DCC: variants seen among roughly 807,000 people sequenced by gnomAD.
DCC encodes DCC netrin 1 receptor, also known as netrin receptor DCC.
A neutral mutation model predicts 172.5 loss-of-function variants in DCC; 58 were observed. The observed-to-expected ratio is 0.34, with a 90% confidence interval of 0.27 to 0.42. The LOEUF (loss-of-function observed/expected upper bound fraction) is 0.42, where lower values mean the gene tolerates loss of function less well. Among genes scored for constraint, DCC ranks in the 10% least tolerant of loss-of-function variants. The probability of loss-of-function intolerance (pLI) is 1.00; values close to 1 mark genes in which losing one functional copy is unlikely to be tolerated. For synonymous variants in DCC, 709 were observed against 644.5 expected (o/e 1.10, Z -1.52); for missense variants, 1,740 against 1,791.0 (o/e 0.97, Z 0.51).
chr18:52,915,677 A>G (rs973807906), intron 3 of DCC, among the ~76,000 whole-genome samples: 3 of 152,250 alleles, frequency 2.0e-5, no homozygotes, highest in African/African-American at 7.2e-5. Flanking sequence ...AAATATAGTA[A>G]TTGAACATAT....
chr18:52,494,980 A>T (rs2144612537), intron 1 of DCC, among the ~76,000 whole-genome samples: 1 of 152,216 alleles, frequency 6.6e-6, no homozygotes, highest in African/African-American at 2.4e-5. Flanking sequence ...GAGCTCACTA[A>T]TTTAACCCAA....
At chr18:52,544,317 T>A (rs1317018903) in intron 1 of DCC, among the ~76,000 whole-genome samples, 1 of 152,204 alleles carries the variant, frequency 6.6e-6, no homozygotes, top group Non-Finnish European at 1.5e-5. Flanking sequence ...GAGTACCTGG[T>A]GATAACTAAA....
At chr18:53,159,678 C>T (rs994751298) in intron 8 of DCC, among the ~76,000 whole-genome samples, 4 of 151,712 alleles carry the variant, frequency 2.6e-5, no homozygotes, top group Admixed American at 2.0e-4. Flanking sequence ...TATCTGTATG[C>T]ATATATGTAA....
intron 2 of DCC, among the ~76,000 whole-genome samples, chr18:52,780,543 A>AC (rs917416440): frequency 3.9e-5 from 6 of 152,078 alleles, no homozygotes; most frequent in East Asian, 1.9e-4. Flanking sequence ...AGAACTGAAG[A>AC]CCCCCCAAAG....
rs1219444544 is a variant in DCC, at chr18:52,973,697, C to A, written c.985+48327C>A. Among the ~76,000 whole-genome samples the A allele has an allele frequency of 2.0e-5, 3 of 152,152 alleles. No homozygotes were observed. In the East Asian group the frequency reaches 5.8e-4, roughly 29 times the overall value. Reference sequence around the variant, plus strand: ...CTTCTTGTGGTGAGAAAGGTACCATCTTTACTATGTTACAGAAGAAATTCC... The same window carrying A: ...CTTCTTGTGGTGAGAAAGGTACCATATTTACTATGTTACAGAAGAAATTCC... On this transcript the variant is annotated intron_variant, in intron 5 of 28. Transcript: ENST00000442544.
At chr18:53,525,044 C>T (rs942771700) in intron 27 of DCC, among the ~76,000 whole-genome samples, 7 of 152,052 alleles carry the variant, frequency 4.6e-5, no homozygotes, top group African/African-American at 1.4e-4. Context: ...CAACTTTTCA[C>T]AGCGTGAATA....
At chr18:53,130,045 T>C (rs1009587111) in intron 7 of DCC, among the ~76,000 whole-genome samples, 4 of 152,192 alleles carry the variant, frequency 2.6e-5, no homozygotes, top group Non-Finnish European at 4.4e-5. Context: ...AATTTCTTTA[T>C]GTGTTTCTTG....
intron 1 of DCC, among the ~76,000 whole-genome samples, chr18:52,712,759 A>G (rs905757935): frequency 6.6e-6 from 1 of 152,202 alleles, no homozygotes; most frequent in African/African-American, 2.4e-5. Context: ...TCATACACCA[A>G]TCGATATCCT....
intron 1 of DCC, among the ~76,000 whole-genome samples, chr18:52,725,702 A>G (rs1236274176): frequency 6.6e-6 from 1 of 152,228 alleles, no homozygotes; most frequent in Non-Finnish European, 1.5e-5. Flanking sequence ...GTGTTCAACA[A>G]GGTCGATGAT....
Position 52,991,413 on chromosome 18 carries a change from C to T in DCC, c.985+66043C>T, listed in dbSNP as rs576040103. On this transcript the variant is annotated intron_variant, in intron 5 of 28. Transcript: ENST00000442544. ...ACACACTTATTGGCAGATTGAAGGG[C>T]GTATTAGGAGAGTAAATAAAGTGTG... Among the ~76,000 whole-genome samples the T allele has an allele frequency of 5.3e-5, 8 of 152,182 alleles. No homozygotes were observed. In the East Asian group the frequency reaches 5.8e-4, roughly 11 times the overall value.
intron 5 of DCC, among the ~76,000 whole-genome samples, chr18:52,977,954 C>T (rs2041149896): frequency 6.7e-6 from 1 of 149,388 alleles, no homozygotes; most frequent in Non-Finnish European, 1.5e-5. Context: ...TTTAGGACAA[C>T]TCTTTTGTCT....
chr18:53,098,262 T>C (rs2043115347), intron 7 of DCC, among the ~76,000 whole-genome samples: 1 of 152,140 alleles, frequency 6.6e-6, no homozygotes, highest in Non-Finnish European at 1.5e-5. Context: ...ACTACAAAAG[T>C]TGTAAAAATA....
At chr18:53,113,934 A>G (rs2043373545) in intron 7 of DCC, among the ~76,000 whole-genome samples, 1 of 151,396 alleles carries the variant, frequency 6.6e-6, no homozygotes, top group Admixed American at 6.6e-5. Context: ...TATTAGAGTC[A>G]TATTTATTCT....
At chr18:52,412,444 T>C in intron 1 of DCC, among the ~76,000 whole-genome samples, 1 of 152,262 alleles carries the variant, frequency 6.6e-6, no homozygotes, top group East Asian at 1.9e-4. Flanking sequence ...CTGACTTGGA[T>C]GATATACAAG....
At position 53,258,223 on chromosome 18, in the gene DCC, C is replaced by G. The variant is rs1444737845; in HGVS notation, c.1911+42626C>G. ...TGTCTCTATTTCCTTCAGTTCTGCT[C>G]TGATCTTAGTTATTTCTTGCCTTCT... On this transcript the variant is annotated intron_variant, in intron 12 of 28. Coordinates refer to ENST00000442544, the MANE Select transcript of DCC (RefSeq NM_005215.4). Among the ~76,000 whole-genome samples the G allele has an allele frequency of 1.8e-4, 27 of 152,042 alleles. 1 individual carries two copies. The highest frequency in any genetic ancestry group is 4.4e-5 in the Non-Finnish European group (3 of 67,998).
chr18:53,054,618 C>T (rs989164682), intron 5 of DCC, among the ~76,000 whole-genome samples: 1 of 152,032 alleles, frequency 6.6e-6, no homozygotes, highest in South Asian at 2.1e-4. Context: ...AAAGCTTAGT[C>T]TGGATTTAGA....
intron 2 of DCC, among the ~76,000 whole-genome samples, chr18:52,814,687 A>G (rs1380952621): frequency 6.6e-6 from 1 of 152,230 alleles, no homozygotes; most frequent in Admixed American, 6.5e-5. Context: ...TTGGAAATAT[A>G]AACTATTTAA....
chr18:52,792,426 G>A (rs191567962), intron 2 of DCC, among the ~76,000 whole-genome samples: 1 of 152,306 alleles, frequency 6.6e-6, no homozygotes, highest in South Asian at 2.1e-4. Context: ...ACCCCACCAG[G>A]GTGGTCAGAG....
intron 2 of DCC, among the ~76,000 whole-genome samples, chr18:52,815,411 T>TAC (rs34924244): frequency 0.03 from 4,576 of 150,100 alleles, 91 homozygotes; most frequent in African/African-American, 0.063. Context: ...TTCTCACACG[T>TAC]ACACACACAC....
Sources: gnomAD v4.1 joint callset for allele counts (sites outside exome capture counted in the v4.1 genomes callset) on GRCh38, gnomAD v4.1.1 for gene constraint, MANE v1.5 for transcripts, NCBI Gene and HGNC (gene_info 2026-07-23, HGNC 2026-07-21) for gene names.